Variants in TRMT11 observed in about 807,000 individuals in gnomAD.
The protein encoded by TRMT11 is tRNA methyltransferase 11, also known as tRNA (guanine(10)-N(2))-methyltransferase TRMT11.
TRMT11 carries 53 observed loss-of-function variants against 62.8 expected under a neutral mutation model. That is an observed-to-expected ratio of 0.84 (90% CI 0.68 to 1.06). The LOEUF (loss-of-function observed/expected upper bound fraction) is 1.06, where lower values mean the gene tolerates loss of function less well. Ranked by LOEUF, TRMT11 falls within the 50% of genes least tolerant of loss-of-function variation. The pLI is 0.00. For synonymous variants in TRMT11, 188 were observed against 190.3 expected (o/e 0.99, Z 0.10); for missense variants, 556 against 553.4 (o/e 1.00, Z -0.05).
intron 17 of TRMT11, among the ~76,000 whole-genome samples, chr6:126,103,483 A>G (rs1777426509): frequency 6.6e-6 from 1 of 152,240 alleles, no homozygotes; most frequent in Non-Finnish European, 1.5e-5. Flanking sequence ...GGTGTTGGGC[A>G]TGTCTTAACT....
At chr6:126,113,127 C>T (rs1422822134) in intron 18 of TRMT11, among the ~76,000 whole-genome samples, 2 of 152,006 alleles carry the variant, frequency 1.3e-5, no homozygotes, top group East Asian at 3.9e-4. Flanking sequence ...ATACAATGTG[C>T]TAAGTGCTAT....
At chr6:126,132,479 G>T (rs1283358288) in intron 21 of TRMT11, among the ~76,000 whole-genome samples, 1 of 151,970 alleles carries the variant, frequency 6.6e-6, no homozygotes, top group Admixed American at 6.6e-5. Context: ...CTATGACATG[G>T]ATATCCTATC....
At chr6:125,993,655 C>A in intron 1 of TRMT11, 102 bp from the exon 2 acceptor site, 1 of 592,892 alleles carries the variant, frequency 1.7e-6, no homozygotes, top group Non-Finnish European at 2.9e-6. Context: ...GTTAGATCTT[C>A]AGCCTACTCT....
chr6:126,011,005 G>A (rs1333529776), intron 8 of TRMT11, among the ~76,000 whole-genome samples: 1 of 152,018 alleles, frequency 6.6e-6, no homozygotes, highest in East Asian at 1.9e-4. Context: ...TGAAAATATC[G>A]AATGAGTGTT....
intron 1 of TRMT11, among the ~76,000 whole-genome samples, chr6:126,185,380 A>T (rs1456275672): frequency 6.6e-6 from 1 of 152,090 alleles, no homozygotes; most frequent in Non-Finnish European, 1.5e-5. Context: ...ATGGTGAGCA[A>T]TGACCTGGTT....
At chr6:126,101,168 A>G (rs1777395770) in intron 17 of TRMT11, among the ~76,000 whole-genome samples, 1 of 152,166 alleles carries the variant, frequency 6.6e-6, no homozygotes, top group Non-Finnish European at 1.5e-5. Flanking sequence ...GCCCAGGGGT[A>G]GAGAACCCTT....
At chr6:126,149,618 C>T (rs1314240222) in intron 21 of TRMT11, among the ~76,000 whole-genome samples, 1 of 152,182 alleles carries the variant, frequency 6.6e-6, no homozygotes, top group Non-Finnish European at 1.5e-5. Flanking sequence ...CATTGGTTCA[C>T]TGGTTTTCAT....
chr6:126,103,570 G>A (rs1454606113), intron 17 of TRMT11, among the ~76,000 whole-genome samples: 1 of 152,176 alleles, frequency 6.6e-6, no homozygotes, highest in Non-Finnish European at 1.5e-5. Flanking sequence ...AGATGGTTCT[G>A]CTTCCAAACT....
chr6:126,157,674 C>A (rs908453562), intron 21 of TRMT11, among the ~76,000 whole-genome samples: 8 of 152,220 alleles, frequency 5.3e-5, no homozygotes, highest in African/African-American at 1.9e-4. Flanking sequence ...TCAGCATCAT[C>A]TGTAAGCCAC....
chr6:126,221,181 T>C, the TRMT11 span, among the ~76,000 whole-genome samples: 1 of 152,232 alleles, frequency 6.6e-6, no homozygotes, highest in Non-Finnish European at 1.5e-5. Context: ...CCTAGGTTGA[T>C]TCCATGTCTT....
chr6:126,264,810 C>G, the TRMT11 span, among the ~76,000 whole-genome samples: 1 of 152,118 alleles, frequency 6.6e-6, no homozygotes. Flanking sequence ...TCCTGTATCT[C>G]TAGCCTGCCT....
At position 126,049,203 on chromosome 6, in the gene TRMT11, G is replaced by T. The variant is rs76399881; in HGVS notation, c.*1370-3920G>T. 1.6e-3 allele frequency among the ~76,000 whole-genome samples: 249 copies of T among 151,918 alleles called. 2 individuals carry two copies. The highest frequency in any genetic ancestry group is 5.8e-3 in the African/African-American group (240 of 41,210). ...TCCAAAGTTACCTCTCAACAGGGCA[G>T]TCTTCTGTTCTTTGTGGGATGCATA... is the stretch of plus-strand genomic sequence containing the variant. On this transcript the variant is annotated intron_variant and NMD_transcript_variant, in intron 16 of 22. Coordinates refer to the TRMT11 transcript ENST00000648977.
chr6:126,039,827 T>C (rs1286938787), downstream of TRMT11, among the ~76,000 whole-genome samples: 1 of 152,094 alleles, frequency 6.6e-6, no homozygotes, highest in Non-Finnish European at 1.5e-5. Context: ...TATTTTAGTG[T>C]TACTGCTGAC....
At chr6:126,201,069 C>G (rs1487086830) in intron 3 of TRMT11, among the ~76,000 whole-genome samples, 1 of 152,148 alleles carries the variant, frequency 6.6e-6, no homozygotes, top group South Asian at 2.1e-4. Flanking sequence ...AAAGCGTACT[C>G]CCTGCCAATA....
intron 21 of TRMT11, among the ~76,000 whole-genome samples, chr6:126,156,480 C>A (rs892794043): frequency 2.6e-5 from 4 of 152,248 alleles, no homozygotes; most frequent in African/African-American, 9.6e-5. Context: ...AGTCTGTGCA[C>A]CTGCAGGCTT....
At chr6:126,179,600 T>G (rs1778432851) in intron 1 of TRMT11, among the ~76,000 whole-genome samples, 1 of 152,118 alleles carries the variant, frequency 6.6e-6, no homozygotes, top group Non-Finnish European at 1.5e-5. Context: ...TAACTTGTCA[T>G]GAAAAAATCA....
chr6:126,229,099 G>T, the TRMT11 span, among the ~76,000 whole-genome samples: 3 of 152,220 alleles, frequency 2.0e-5, no homozygotes, highest in East Asian at 5.8e-4. Context: ...AATGAAATTT[G>T]TTGTATTTCT....
intron 12 of TRMT11, among the ~76,000 whole-genome samples, chr6:126,028,481 C>CT (rs1339452852): frequency 1.3e-5 from 2 of 152,082 alleles, no homozygotes; most frequent in Non-Finnish European, 2.9e-5. Context: ...TATGACTTGA[C>CT]TTGAGGTACT....
chr6:126,255,990 G>A, the TRMT11 span, among the ~76,000 whole-genome samples: 1 of 152,116 alleles, frequency 6.6e-6, no homozygotes, highest in African/African-American at 2.4e-5. Flanking sequence ...GGGCAGTTCT[G>A]GCTCTGTGAT....
Sources: allele counts gnomAD v4.1 joint callset (sites outside exome capture counted in the v4.1 genomes callset), GRCh38; gene constraint gnomAD v4.1.1; transcripts MANE v1.5; gene names NCBI Gene and HGNC (gene_info 2026-07-23, HGNC 2026-07-21).